Variants in SHISA7 observed in about 807,000 individuals in gnomAD.
SHISA7 encodes the protein protein shisa-7.
In SHISA7, 6 loss-of-function variants were observed where a neutral mutation model predicts 23.9. The observed-to-expected ratio is 0.25, with a 90% confidence interval of 0.14 to 0.50. The LOEUF (loss-of-function observed/expected upper bound fraction) is 0.50. SHISA7 is among the 20% of genes least tolerant of loss of function. The pLI, the probability that SHISA7 is intolerant of heterozygous loss-of-function variation, is 0.98. For missense variants in SHISA7, 671 were observed against 801.1 expected (o/e 0.84, Z 1.96); for synonymous variants, 386 against 398.3 (o/e 0.97, Z 0.37).
intron 3 of SHISA7, among the ~76,000 whole-genome samples, chr19:55,434,366 G>A (rs1985308742): frequency 7.1e-6 from 1 of 140,294 alleles, no homozygotes. Context: ...TGTGGTGTGT[G>A]TGTGTGGTGT....
intron 3 of SHISA7, among the ~76,000 whole-genome samples, chr19:55,435,366 T>TGGATATGTG (rs1985428213): frequency 1.0e-5 from 1 of 98,514 alleles, no homozygotes; most frequent in African/African-American, 4.0e-5. Context: ...GTGTGTGTGG[T>TGGATATGTG]GTGTGTGTGG....
In SHISA7 at chr19:55,442,308, C is replaced by T; in HGVS notation, c.556G>A (p.Ala186Thr). The T allele has an allele frequency of 6.6e-7, 1 of 1,515,176 alleles. No individual in the cohort carries two copies. Among genetic ancestry groups the T allele is most frequent in the Non-Finnish European group, 8.8e-7 (1 of 1,137,894 alleles). The allele number at this position is 1,515,176 out of a possible 1,614,324, so 93.9% of individuals were successfully genotyped here. The change falls in exon 1 of 4, where the codon GCC becomes ACC. Residue 186 changes from alanine to threonine, a missense_variant. Physicochemically the swap from Ala to Thr is moderately conservative, Grantham distance 58. Coordinates refer to ENST00000376325, the MANE Select transcript of SHISA7 (RefSeq NM_001145176.2). ...RGGEGPGGST[A>T]YVVCGVISFA... ...CTGATGACCCCGCACACGACGTAGG[C>T]TGTGCTGCCCCCGGGGCCCTCGCCC...
chr19:55,433,776 C>T lies in SHISA7; in HGVS notation c.997G>A (p.Ala333Thr). 7.0e-7 allele frequency: 1 copy of T among 1,435,952 alleles called. No individual in the cohort carries two copies. The highest frequency in any genetic ancestry group is 9.1e-7 in the Non-Finnish European group (1 of 1,104,234). The allele number at this position is 1,435,952 out of a possible 1,614,324, so 89.0% of individuals were successfully genotyped here. A position where few individuals can be genotyped will look rare whatever the true frequency, so the allele number is the denominator to read the frequency against. Residue 333 changes from alanine to threonine, a missense_variant, in exon 4 of 4, where the codon GCC becomes ACC. Coordinates refer to ENST00000376325, the MANE Select transcript of SHISA7 (RefSeq NM_001145176.2). The surrounding 1 kb of genome is among the most constrained non-coding windows in gnomAD (Gnocchi z 8.4). ...TCCAGGGGCCGGCGCTTCAGGTAGG[C>T]CTCGTCCAGATCCTTCTCGGCTGCG... ...KRLAEKDLDE[A>T]YLKRRPLELP...
intron 3 of SHISA7, among the ~76,000 whole-genome samples, chr19:55,434,683 TGTGTGTATGGTGC>T (rs1985347032): frequency 9.5e-6 from 1 of 105,324 alleles, no homozygotes; most frequent in South Asian, 3.3e-4. Context: ...GTGTGTGGTG[TGTGTGTATGGTGC>T]GTGTGTGTGG....
rs1464996986 is a variant in SHISA7, at chr19:55,442,495, C to T, written c.369G>A (p.Leu123=). The change falls in exon 1 of 4, where the codon CTG becomes CTA. Residue 123 remains leucine (L), a synonymous_variant. Transcript: ENST00000376325. The part of the protein sequence containing the change: ...RFCCEHRHMR[L]AQASCSNYDT... ...CGTAGTTGGAGCAGGAGGCCTGCGCCAGGCGCATGTGACGGTGCTCACAGC... is the reference window on the plus strand; with the variant it reads ...CGTAGTTGGAGCAGGAGGCCTGCGCTAGGCGCATGTGACGGTGCTCACAGC... The T allele has an allele frequency of 4.8e-6, 7 of 1,473,420 alleles. No homozygotes were observed. The East Asian group carries it at 1.5e-4, about 32-fold the overall frequency. 91.3% of individuals were successfully genotyped at this position (1,473,420 alleles called of 1,614,324 possible).
In SHISA7 at chr19:55,431,883, A is replaced by G. The variant is rs920770608; in HGVS notation, c.*1273T>C. On this transcript the variant is annotated 3_prime_UTR_variant, in exon 4 of 4. Transcript: ENST00000376325. The stretch of plus-strand genomic sequence containing the variant: ...CTGTCTCCCAGGAGTCATGGCACAG[A>G]TGTGGGATCCAAGGCCCCATTTCCC... 2.6e-5 allele frequency: 4 copies of G among 152,158 alleles called. No individual in the cohort carries two copies. The allele number at this position is 152,158 out of a possible 1,614,324, so 9.4% of individuals were successfully genotyped here. A position where few individuals can be genotyped will look rare whatever the true frequency, so the allele number is the denominator to read the frequency against.
intron 3 of SHISA7, among the ~76,000 whole-genome samples, chr19:55,435,271 G>A (rs567976132): frequency 1.6e-4 from 21 of 129,240 alleles, no homozygotes; most frequent in East Asian, 1.2e-3. Flanking sequence ...ATGTGTGTGC[G>A]TGTGTGCGTG....
Position 55,442,788 on chromosome 19 carries a change from T to C in SHISA7, c.76A>G (p.Ser26Gly). Residue 26 changes from serine (S) to glycine (G), a missense_variant, in exon 1 of 4, where the codon AGC becomes GGC. Transcript: ENST00000376325. Reference protein sequence around the residue: ...QARARPSNATSAEPAGPLPAL... With the variant: ...QARARPSNATGAEPAGPLPAL... The stretch of plus-strand genomic sequence containing the variant: ...GGCAGCGGGCCCGCGGGCTCGGCGC[T>C]CGTGGCGTTGGACGGGCGCGCCCTG... 1 of 1,276,406 alleles carries C rather than the reference T, an allele frequency of 7.8e-7. No homozygotes were observed. The highest frequency in any genetic ancestry group is 9.9e-7 in the Non-Finnish European group (1 of 1,012,116). 79.1% of individuals were successfully genotyped at this position (1,276,406 alleles called of 1,614,324 possible). A position where few individuals can be genotyped will look rare whatever the true frequency, so the allele number is the denominator to read the frequency against.
At chr19:55,439,801 A>C (rs1599874391) in intron 2 of SHISA7, among the ~76,000 whole-genome samples, 1 of 142,470 alleles carries the variant, frequency 7.0e-6, no homozygotes, top group South Asian at 2.3e-4. Context: ...TTGCTCAAAT[A>C]CCTCTCCCTT....
At chr19:55,435,088 T>TGG (rs1398183510) in intron 3 of SHISA7, among the ~76,000 whole-genome samples, 2 of 59,928 alleles carry the variant, frequency 3.3e-5, no homozygotes, top group Non-Finnish European at 6.9e-5. Context: ...GTGGTGTGTG[T>TGG]GGTGTGTGTG....
Position 55,433,271 on chromosome 19 carries a change from A to G in SHISA7, c.1502T>C (p.Leu501Pro). Reference sequence around the variant, plus strand: ...GCGCTGGAAGGGCGGCCTGCGGGCCAGTGTGCCCCCGCCCCCGCCGGCGTC... The same window carrying G: ...GCGCTGGAAGGGCGGCCTGCGGGCCGGTGTGCCCCCGCCCCCGCCGGCGTC... ...MSDAGGGGGT[L>P]ARRPPFQRQG... The change falls in exon 4 of 4, where the codon CTG becomes CCG. Residue 501 changes from leucine (L) to proline (P), a missense_variant. Around this residue, in one of 5 missense-constraint regions of SHISA7, gnomAD observed 457 missense variants for 488.3 expected, o/e 0.94. Transcript: ENST00000376325. The surrounding 1 kb of genome is among the most constrained non-coding windows in gnomAD (Gnocchi z 8.4). 1 of 1,515,336 alleles carries G rather than the reference A, an allele frequency of 6.6e-7. No individual in the cohort carries two copies. The highest frequency in any genetic ancestry group is 8.8e-7 in the Non-Finnish European group (1 of 1,138,448). The allele number at this position is 1,515,336 out of a possible 1,614,324, so 93.9% of individuals were successfully genotyped here.
At chr19:55,436,458 C>T (rs1416446615) in intron 3 of SHISA7, among the ~76,000 whole-genome samples, 2 of 151,862 alleles carry the variant, frequency 1.3e-5, no homozygotes, top group Admixed American at 1.3e-4. Flanking sequence ...CAAAAATTAG[C>T]CAGGTGTGGT....
chr19:55,441,409 G>A (rs1985595408), intron 1 of SHISA7, among the ~76,000 whole-genome samples: 1 of 152,088 alleles, frequency 6.6e-6, no homozygotes, highest in Non-Finnish European at 1.5e-5. Flanking sequence ...ATAAACCCGG[G>A]CCCGCCTACT....
In SHISA7 at chr19:55,434,554, GGTGTGTGTGGTGTGTGTGTATGGT is replaced by G. The variant is rs554980853; in HGVS notation, c.977-782_977-759del. Among the ~76,000 whole-genome samples, 494 of 120,948 alleles carry G rather than the reference GGTGTGTGTGGTGTGTGTGTATGGT, an allele frequency of 4.1e-3. 1 individual carries two copies. Among genetic ancestry groups the G allele is most frequent in the Non-Finnish European group, 6.9e-3 (403 of 58,442 alleles). 79.3% of individuals were successfully genotyped at this position (120,948 alleles called of 152,430 possible). ...GGTGTGTGTGTGGTTGTGTGTGTAT[GGTGTGTGTGGTGTGTGTGTATGGT>G]GTGTGTGTGGTGTGTGTGTGGTGTG... On this transcript the variant is annotated intron_variant, in intron 3 of 3. Transcript: ENST00000376325.
In SHISA7 at chr19:55,432,875, C is replaced by G. The variant is rs978021246; in HGVS notation, c.*281G>C. 2 of 418,456 alleles carry G rather than the reference C, an allele frequency of 4.8e-6. No homozygotes were observed. The highest frequency in any genetic ancestry group is 8.5e-6 in the Non-Finnish European group (2 of 234,604). The allele number at this position is 418,456 out of a possible 1,614,324, so 25.9% of individuals were successfully genotyped here. ...TGACCTCATGGGAACGAGGCTTTGT[C>G]CCTGTGATGACATCACAGAACACAG... On this transcript the variant is annotated 3_prime_UTR_variant, in exon 4 of 4. Coordinates refer to ENST00000376325, the MANE Select transcript of SHISA7 (RefSeq NM_001145176.2). The surrounding 1 kb of genome is among the most constrained non-coding windows in gnomAD (Gnocchi z 4.6).
chr19:55,437,817 C>T (rs1311982644), intron 2 of SHISA7, 63 bp from the exon 3 acceptor site: 2 of 1,493,870 alleles, frequency 1.3e-6, no homozygotes, highest in South Asian at 1.3e-5. Context: ...GGAGTCCAGG[C>T]CCCCAGCCCC....
intron 2 of SHISA7, among the ~76,000 whole-genome samples, chr19:55,438,249 C>T (rs1188339026): frequency 1.3e-5 from 2 of 152,222 alleles, no homozygotes; most frequent in Non-Finnish European, 2.9e-5. Flanking sequence ...CTCACCCCAG[C>T]CCCTCTGCTC....
intron 3 of SHISA7, among the ~76,000 whole-genome samples, chr19:55,436,850 T>C (rs1229750959): frequency 1.3e-5 from 2 of 152,192 alleles, no homozygotes; most frequent in African/African-American, 4.8e-5. Context: ...AGGTAGAGGC[T>C]GCAGTGAATG....
At position 55,434,187 on chromosome 19, in the gene SHISA7, G is replaced by T. The variant is rs150158774; in HGVS notation, c.977-391C>A. 2.7e-3 allele frequency among the ~76,000 whole-genome samples: 406 copies of T among 152,286 alleles called. 1 individual carries two copies. The highest frequency in any genetic ancestry group is 8.9e-3 in the African/African-American group (370 of 41,558). On this transcript the variant is annotated intron_variant, in intron 3 of 3. Coordinates refer to ENST00000376325, the MANE Select transcript of SHISA7 (RefSeq NM_001145176.2). ...AAATGAAATCAAATAGAACAGAAGA[G>T]AAAACTATCAGAAAGTGTTTATGTA...
Sources: gnomAD v4.1 joint callset for allele counts (sites outside exome capture counted in the v4.1 genomes callset) on GRCh38, gnomAD v4.1.1 for gene constraint, gnomAD v4.1.1 regional missense constraint, Gnocchi (gnomAD v3.1) non-coding constraint, MANE v1.5 for transcripts, NCBI Gene and HGNC (gene_info 2026-07-23, HGNC 2026-07-21) for gene names.